Variants in ANKS1A observed in about 807,000 individuals in gnomAD.
The protein encoded by ANKS1A is ankyrin repeat and sterile alpha motif domain containing 1A, also known as ankyrin repeat and SAM domain-containing protein 1A.
Under a neutral mutation model 120.3 loss-of-function variants are expected in ANKS1A, and 55 were observed. The observed-to-expected ratio is 0.46, with a 90% confidence interval of 0.37 to 0.57. The LOEUF (loss-of-function observed/expected upper bound fraction) is 0.57. Ranked by LOEUF, ANKS1A falls within the 20% of genes least tolerant of loss-of-function variation. The probability of loss-of-function intolerance (pLI) is 0.00; values close to 1 mark genes in which losing one functional copy is unlikely to be tolerated. For synonymous variants in ANKS1A, 590 were observed against 604.7 expected, an observed-to-expected ratio of 0.98 and a Z score of 0.36; for missense variants, 1,123 against 1,480.3, an observed-to-expected ratio of 0.76 and a Z score of 3.96.
chr6:35,073,196 T>A (rs933756326), intron 13 of ANKS1A, among the ~76,000 whole-genome samples: 3 of 152,142 alleles, frequency 2.0e-5, no homozygotes, highest in Non-Finnish European at 4.4e-5. Flanking sequence ...AGGCCACACG[T>A]CACACGTCAC....
Position 35,086,878 on chromosome 6 carries a change from G to A in ANKS1A, c.3304-74G>A. The A allele has an allele frequency of 7.0e-7, 1 of 1,432,408 alleles. No homozygotes were observed. The highest frequency in any genetic ancestry group is 1.7e-5 in the Admixed American group (1 of 59,720). 88.7% of individuals were successfully genotyped at this position (1,432,408 alleles called of 1,614,324 possible). On this transcript the variant is annotated intron_variant, in intron 22 of 23. Coordinates refer to ENST00000360359, the MANE Select transcript of ANKS1A (RefSeq NM_015245.3). The surrounding 1 kb of genome is among the most constrained non-coding windows in gnomAD (Gnocchi z 5.1). ...CACAGGGGCCACAGCCTGGCCTGGG[G>A]GTGGGAGGGGCCTGCTGCCTCCAGC...
intron 3 of ANKS1A, 141 bp from the exon 4 acceptor site, chr6:34,981,549 C>T (rs896660203): frequency 1.1e-6 from 1 of 891,054 alleles, no homozygotes; most frequent in Non-Finnish European, 1.7e-6. Flanking sequence ...GGGAGTATGT[C>T]TGGATTCCGA....
intron 1 of ANKS1A, among the ~76,000 whole-genome samples, chr6:34,893,958 T>C (rs1358538598): frequency 6.6e-6 from 1 of 152,186 alleles, no homozygotes. Context: ...TCCAAAATGG[T>C]TTAAATATAA....
intron 11 of ANKS1A, among the ~76,000 whole-genome samples, chr6:35,035,223 C>T (rs1462703170): frequency 6.6e-6 from 1 of 152,190 alleles, no homozygotes; most frequent in African/African-American, 2.4e-5. Context: ...AGTTAAAGGA[C>T]ACAATTCCTT....
intron 1 of ANKS1A, among the ~76,000 whole-genome samples, chr6:34,895,496 T>A (rs983138838): frequency 2.0e-5 from 3 of 152,198 alleles, no homozygotes; most frequent in Non-Finnish European, 4.4e-5. Flanking sequence ...CTGACCTTTT[T>A]ACTTTTGCCC....
intron 10 of ANKS1A, among the ~76,000 whole-genome samples, chr6:35,006,869 G>T (rs1773488042): frequency 6.6e-6 from 1 of 151,978 alleles, no homozygotes. Context: ...ATATAGCCAG[G>T]CACAGTGGCT....
At chr6:35,003,336 C>T (rs957273387) in intron 10 of ANKS1A, among the ~76,000 whole-genome samples, 8 of 152,044 alleles carry the variant, frequency 5.3e-5, no homozygotes, top group East Asian at 1.9e-4. Context: ...TATTCTGGCC[C>T]GGCAAGAAAC....
chr6:35,004,414 G>A (rs2127546765), intron 10 of ANKS1A, among the ~76,000 whole-genome samples: 1 of 152,180 alleles, frequency 6.6e-6, no homozygotes, highest in Middle Eastern at 3.4e-3. Context: ...CTTGAGCCCA[G>A]GAGCTGGAGA....
At chr6:35,052,830 G>T (rs1279967560) in intron 11 of ANKS1A, among the ~76,000 whole-genome samples, 1 of 152,118 alleles carries the variant, frequency 6.6e-6, no homozygotes. Context: ...CCTCTGGGCT[G>T]CTGGGGCCAG....
At chr6:34,949,044 A>G (rs116869114) in intron 1 of ANKS1A, among the ~76,000 whole-genome samples, 1 of 152,278 alleles carries the variant, frequency 6.6e-6, no homozygotes, top group East Asian at 1.9e-4. Context: ...TTTGGACAAG[A>G]TGGTTTTAGG....
chr6:35,080,247 A>G (rs1341997472), intron 16 of ANKS1A, among the ~76,000 whole-genome samples: 1 of 152,072 alleles, frequency 6.6e-6, no homozygotes, highest in East Asian at 1.9e-4. Flanking sequence ...AAAGGCCAGG[A>G]CTCACAGCCA....
chr6:35,054,133 T>A lies in ANKS1A; in HGVS notation c.2045T>A (p.Ile682Asn). The A allele has an allele frequency of 6.2e-7, 1 of 1,614,044 alleles. No homozygotes were observed. The highest frequency in any genetic ancestry group is 8.5e-7 in the Non-Finnish European group (1 of 1,179,930). The change falls in exon 12 of 24, where the codon ATT becomes AAT. Residue 682 changes from isoleucine to asparagine, a missense_variant. Around this residue, in one of 3 missense-constraint regions of ANKS1A, gnomAD observed 904 missense variants for 1,130.4 expected, o/e 0.80. Coordinates refer to ENST00000360359, the MANE Select transcript of ANKS1A (RefSeq NM_015245.3). ...EKIMSSIGEG[I>N]DFSQERQKIS... ...ATCATGAGTTCTATTGGAGAAGGGA[T>A]TGACTTTTCTCAGGAACGGCAGAAG...
At chr6:35,014,231 A>G (rs1383747443) in intron 10 of ANKS1A, among the ~76,000 whole-genome samples, 1 of 152,226 alleles carries the variant, frequency 6.6e-6, no homozygotes, top group East Asian at 1.9e-4. Flanking sequence ...GGGAACAAGA[A>G]CACCAGCCTT....
intron 10 of ANKS1A, among the ~76,000 whole-genome samples, chr6:34,997,195 ATT>A (rs372595838): frequency 4.6e-5 from 6 of 130,250 alleles, no homozygotes; most frequent in Admixed American, 8.1e-5. Flanking sequence ...TATTGGTAGA[ATT>A]TTTTTTTTTT....
chr6:34,977,249 G>A (rs538774682), intron 3 of ANKS1A, among the ~76,000 whole-genome samples: 1 of 152,124 alleles, frequency 6.6e-6, no homozygotes, highest in Non-Finnish European at 1.5e-5. Flanking sequence ...TGGCAGGAGC[G>A]CCATGGAAGT....
chr6:35,097,475 C>T, the ANKS1A span, among the ~76,000 whole-genome samples: 3 of 151,400 alleles, frequency 2.0e-5, no homozygotes, highest in African/African-American at 7.3e-5. Flanking sequence ...TGCCACTGCA[C>T]TCCAGCCTGG....
chr6:35,017,487 A>AGCAGCAGCCGGAGCC lies in ANKS1A; in HGVS notation c.1439_1453dup (p.Ser484_Gln485insArgSerSerArgSer). On this transcript the variant is annotated inframe_insertion, in exon 11 of 24. Coordinates refer to ENST00000360359, the MANE Select transcript of ANKS1A (RefSeq NM_015245.3). The stretch of plus-strand genomic sequence containing the variant: ...TCCACTCCAAGACCACAGGCGGAGC[A>AGCAGCAGCCGGAGCC]GCAGCAGCCGGAGCCAGGACTCTGC... The AGCAGCAGCCGGAGCC allele has an allele frequency of 6.2e-7, 1 of 1,604,984 alleles. No individual in the cohort carries two copies. Among genetic ancestry groups the AGCAGCAGCCGGAGCC allele is most frequent in the African/African-American group, 1.3e-5 (1 of 74,826 alleles).
intron 10 of ANKS1A, chr6:35,005,672 C>A (rs907815148): frequency 4.6e-6 from 2 of 436,672 alleles, no homozygotes; most frequent in Admixed American, 5.4e-5. Flanking sequence ...GAGACTTGAT[C>A]ATTAAAATGA....
chr6:34,983,559 A>G (rs1772028557), intron 7 of ANKS1A, 134 bp downstream of exon 7: 2 of 758,714 alleles, frequency 2.6e-6, no homozygotes, highest in Non-Finnish European at 4.3e-6. Context: ...TATTCAGTTC[A>G]TTTTTTGCCA....
Sources: gnomAD v4.1 joint callset for allele counts (sites outside exome capture counted in the v4.1 genomes callset) on GRCh38, gnomAD v4.1.1 for gene constraint, gnomAD v4.1.1 regional missense constraint, Gnocchi (gnomAD v3.1) non-coding constraint, MANE v1.5 for transcripts, NCBI Gene and HGNC (gene_info 2026-07-23, HGNC 2026-07-21) for gene names.